Variants in MIPOL1 observed in about 807,000 individuals in gnomAD.
MIPOL1 encodes mirror-image polydactyly 1, also known as mirror-image polydactyly gene 1 protein.
MIPOL1 carries 57 observed loss-of-function variants against 60.9 expected under a neutral mutation model. The observed-to-expected ratio is 0.94, with a 90% CI of 0.76 to 1.17. MIPOL1 has a LOEUF of 1.17. Ranked by LOEUF, MIPOL1 falls within the 50% of genes most tolerant of loss-of-function variation. The pLI, the probability that MIPOL1 is intolerant of heterozygous loss-of-function variation, is 0.00. For missense variants in MIPOL1, 551 were observed against 511.6 expected (o/e 1.08, Z -0.74); for synonymous variants, 179 against 168.8 (o/e 1.06, Z -0.47).
At chr14:37,500,432 G>A (rs1202764984) in intron 12 of MIPOL1, among the ~76,000 whole-genome samples, 1 of 152,010 alleles carries the variant, frequency 6.6e-6, no homozygotes, top group Non-Finnish European at 1.5e-5. Context: ...AAGTTAATAG[G>A]CAAAGTTATT....
chr14:37,227,084 TA>T (rs567805923), intron 1 of MIPOL1, among the ~76,000 whole-genome samples: 1 of 152,192 alleles, frequency 6.6e-6, no homozygotes, highest in African/African-American at 2.4e-5. Flanking sequence ...GTAACAGCTG[TA>T]AAAAATCACT....
At chr14:37,412,052 C>G (rs763574658) in intron 10 of MIPOL1, among the ~76,000 whole-genome samples, 5 of 152,092 alleles carry the variant, frequency 3.3e-5, no homozygotes, top group Non-Finnish European at 7.4e-5. Context: ...GAAGCCTTAA[C>G]TTGTTCAGTC....
intron 9 of MIPOL1, among the ~76,000 whole-genome samples, chr14:37,347,789 A>T (rs2153468882): frequency 6.6e-6 from 1 of 152,374 alleles, no homozygotes; most frequent in East Asian, 1.9e-4. Context: ...ATATCTTCAA[A>T]GTGCCAAAGA....
At chr14:37,247,708 C>T in intron 2 of MIPOL1, 121 bp from the exon 3 acceptor site, 9 of 538,060 alleles carry the variant, frequency 1.7e-5, no homozygotes, top group East Asian at 3.1e-5. Flanking sequence ...GTTAATTGTC[C>T]CATTGTAAAT....
chr14:37,406,059 C>T (rs1221332936), intron 10 of MIPOL1, among the ~76,000 whole-genome samples: 1 of 151,844 alleles, frequency 6.6e-6, no homozygotes, highest in Non-Finnish European at 1.5e-5. Context: ...CCTTTTAATA[C>T]ATTCATAAAA....
chr14:37,525,066 G>A (rs1434426767), intron 12 of MIPOL1, among the ~76,000 whole-genome samples: 2 of 152,160 alleles, frequency 1.3e-5, no homozygotes, highest in Admixed American at 6.5e-5. Context: ...AGAGTAGTTC[G>A]TGTCCTACCT....
At chr14:37,258,945 G>A (rs535072060) in intron 3 of MIPOL1, among the ~76,000 whole-genome samples, 30 of 151,808 alleles carry the variant, frequency 2.0e-4, no homozygotes, top group Non-Finnish European at 3.7e-4. Flanking sequence ...TTCATGAATA[G>A]CCAATAGATA....
intron 12 of MIPOL1, among the ~76,000 whole-genome samples, chr14:37,514,888 A>G (rs2095357627): frequency 3.3e-5 from 5 of 152,200 alleles, no homozygotes; most frequent in Admixed American, 1.3e-4. Flanking sequence ...ATAGACACGT[A>G]GGTATACTAG....
intron 9 of MIPOL1, among the ~76,000 whole-genome samples, chr14:37,312,982 G>C (rs2087497569): frequency 6.6e-6 from 1 of 152,050 alleles, no homozygotes; most frequent in African/African-American, 2.4e-5. Flanking sequence ...TAGAATTATA[G>C]AATTTTAAAT....
intron 9 of MIPOL1, among the ~76,000 whole-genome samples, chr14:37,341,720 A>G (rs1484807391): frequency 1.3e-5 from 2 of 152,218 alleles, no homozygotes; most frequent in Non-Finnish European, 2.9e-5. Flanking sequence ...TGCTGGGACT[A>G]TAGGCGTGAG....
intron 11 of MIPOL1, among the ~76,000 whole-genome samples, chr14:37,469,783 G>A (rs2094654988): frequency 6.6e-6 from 1 of 152,108 alleles, no homozygotes; most frequent in African/African-American, 2.4e-5. Context: ...AAAGGATAAG[G>A]TCAGCCCCCA....
intron 11 of MIPOL1, among the ~76,000 whole-genome samples, chr14:37,428,330 C>T (rs2094001187): frequency 6.6e-6 from 1 of 152,212 alleles, no homozygotes; most frequent in Admixed American, 6.5e-5. Context: ...GGCATGGTGG[C>T]TCACGCCTGT....
intron 11 of MIPOL1, among the ~76,000 whole-genome samples, chr14:37,453,117 A>G (rs932984153): frequency 1.3e-5 from 2 of 152,124 alleles, no homozygotes; most frequent in Non-Finnish European, 2.9e-5. Flanking sequence ...TCATACATAG[A>G]GCTTTAAAAG....
At chr14:37,376,574 CT>C (rs2092782654) in intron 10 of MIPOL1, among the ~76,000 whole-genome samples, 1 of 151,828 alleles carries the variant, frequency 6.6e-6, no homozygotes, top group African/African-American at 2.4e-5. Flanking sequence ...GCTTAATGTT[CT>C]GTCAGTGACT....
At chr14:37,302,262 GTTTTT>G (rs57468146) in intron 7 of MIPOL1, among the ~76,000 whole-genome samples, 3 of 95,032 alleles carry the variant, frequency 3.2e-5, no homozygotes, top group Admixed American at 1.2e-4. Flanking sequence ...TGGAACTGTT[GTTTTT>G]TTTTTTTTTT....
intron 6 of MIPOL1, among the ~76,000 whole-genome samples, chr14:37,271,985 A>G (rs2083331816): frequency 6.6e-6 from 1 of 151,594 alleles, no homozygotes; most frequent in Non-Finnish European, 1.5e-5. Context: ...CAGATACTTT[A>G]CATATTTATT....
chr14:37,528,563 A>G (rs1301518253), intron 12 of MIPOL1, among the ~76,000 whole-genome samples: 1 of 152,138 alleles, frequency 6.6e-6, no homozygotes, highest in Non-Finnish European at 1.5e-5. Context: ...GAAATATAGT[A>G]CTTTTTTATA....
chr14:37,297,766 T>C (rs61988345), intron 7 of MIPOL1, among the ~76,000 whole-genome samples: 33,158 of 151,676 alleles, frequency 0.22, 4,063 homozygotes, highest in South Asian at 0.36. Context: ...AAGGACTTCT[T>C]CAAGGAGAAC....
chr14:37,332,273 T>C (rs919305184), intron 9 of MIPOL1, among the ~76,000 whole-genome samples: 1 of 152,236 alleles, frequency 6.6e-6, no homozygotes, highest in Admixed American at 6.5e-5. Flanking sequence ...TGAAGGGATG[T>C]TGAATTTTAT....
Sources: allele counts gnomAD v4.1 joint callset (sites outside exome capture counted in the v4.1 genomes callset), GRCh38; gene constraint gnomAD v4.1.1; transcripts MANE v1.5; gene names NCBI Gene and HGNC (gene_info 2026-07-23, HGNC 2026-07-21).